Variants in ZCCHC14 observed in about 807,000 individuals in gnomAD.
ZCCHC14 encodes zinc finger CCHC-type containing 14.
ZCCHC14 carries 16 observed loss-of-function variants against 85.0 expected under a neutral mutation model. That is an observed-to-expected ratio of 0.19 (90% CI 0.13 to 0.29). ZCCHC14 has a LOEUF of 0.29. ZCCHC14 is among the 10% of genes least tolerant of loss of function. The pLI, the probability that ZCCHC14 is intolerant of heterozygous loss-of-function variation, is 1.00. For synonymous variants in ZCCHC14, 775 were observed against 630.7 expected, an observed-to-expected ratio of 1.23 and a Z score of -3.43; for missense variants, 1,303 against 1,443.5, an observed-to-expected ratio of 0.90 and a Z score of 1.58.
intron 9 of ZCCHC14, among the ~76,000 whole-genome samples, chr16:87,415,048 C>T (rs1414730342): frequency 6.6e-6 from 1 of 152,208 alleles, no homozygotes; most frequent in Admixed American, 6.5e-5. Context: ...CACCACTGCA[C>T]TCCAGCCTGG....
intron 4 of ZCCHC14, among the ~76,000 whole-genome samples, chr16:87,421,942 G>T (rs1242556944): frequency 1.3e-5 from 2 of 152,068 alleles, no homozygotes; most frequent in Non-Finnish European, 2.9e-5. Flanking sequence ...AAAAAAAAAG[G>T]AATAAAGGGG....
intron 2 of ZCCHC14, among the ~76,000 whole-genome samples, chr16:87,453,090 TG>T (rs1910784151): frequency 6.6e-6 from 1 of 152,172 alleles, no homozygotes; most frequent in Non-Finnish European, 1.5e-5. Flanking sequence ...CTGAACAAGC[TG>T]GAAGATGGAA....
At chr16:87,467,027 T>C in intron 1 of ZCCHC14, 1 of 436,286 alleles carries the variant, frequency 2.3e-6, no homozygotes, top group Non-Finnish European at 4.0e-6. Context: ...CACGTGTTTT[T>C]CATGAAAAAA....
chr16:87,410,139 G>C lies in ZCCHC14; in HGVS notation c.*141C>G, dbSNP rs956249102. On this transcript the variant is annotated 3_prime_UTR_variant, in exon 13 of 13. Transcript: ENST00000671377. ...TCGAGTTTGATGCACTTCTACGCTA[G>C]ATTTTCTATCCAGTCTAGGAAAAGT... The C allele has an allele frequency of 1.8e-6, 1 of 550,266 alleles. No individual in the cohort carries two copies. The highest frequency in any genetic ancestry group is 3.3e-6 in the Non-Finnish European group (1 of 307,424). 34.1% of individuals were successfully genotyped at this position (550,266 alleles called of 1,614,324 possible).
chr16:87,492,471 G>A lies in ZCCHC14; in HGVS notation c.-233C>T, dbSNP rs1177504607. 1 of 145,070 alleles carries A rather than the reference G, an allele frequency of 6.9e-6. No individual in the cohort carries two copies. The highest frequency in any genetic ancestry group is 1.5e-5 in the Non-Finnish European group (1 of 65,400). 9.0% of individuals were successfully genotyped at this position (145,070 alleles called of 1,614,324 possible). The stretch of plus-strand genomic sequence containing the variant: ...GCGGGCGGGCGCGCGCGGGGCGCCG[G>A]GGGGGCCCGGGGCGGCCGGGGCGGC... On this transcript the variant is annotated 5_prime_UTR_variant, in exon 1 of 13. Transcript: ENST00000671377. This position sits in a 1 kb window ranked among gnomAD's most constrained non-coding sequence, Gnocchi z 6.7.
chr16:87,449,755 C>T (rs941121693), intron 2 of ZCCHC14, among the ~76,000 whole-genome samples: 1 of 151,924 alleles, frequency 6.6e-6, no homozygotes. Context: ...AAAAAATGAC[C>T]CAGGATAAGC....
rs1255119739 is a variant in ZCCHC14, at chr16:87,420,261, T to TCC, written c.950+344_950+345dup. ...ACGTGAGCCAAGACACGATCGAGGG[T>TCC]CCAGAGAAACTGTTTAAGAGACGCC... On this transcript the variant is annotated intron_variant, in intron 5 of 12. Coordinates refer to ENST00000671377, the MANE Select transcript of ZCCHC14 (RefSeq NM_015144.3). The surrounding 1 kb of genome is among the most constrained non-coding windows in gnomAD (Gnocchi z 5.0). 6.6e-6 allele frequency among the ~76,000 whole-genome samples: 1 copy of TCC among 152,050 alleles called. No homozygotes were observed. The highest frequency in any genetic ancestry group is 1.9e-4 in the East Asian group (1 of 5,134).
At chr16:87,418,643 T>G (rs1300668957) in intron 7 of ZCCHC14, among the ~76,000 whole-genome samples, 5 of 152,112 alleles carry the variant, frequency 3.3e-5, no homozygotes, top group African/African-American at 1.2e-4. Context: ...TGGGGAGGAG[T>G]CCCTGGGAAT....
At chr16:87,433,683 T>C (rs1909773476) in intron 2 of ZCCHC14, among the ~76,000 whole-genome samples, 2 of 152,122 alleles carry the variant, frequency 1.3e-5, no homozygotes, top group African/African-American at 4.8e-5. Context: ...TCTTTTTTTT[T>C]TGAGACGGAG....
intron 2 of ZCCHC14, among the ~76,000 whole-genome samples, chr16:87,456,070 C>T (rs1910944829): frequency 6.6e-6 from 1 of 152,170 alleles, no homozygotes; most frequent in Non-Finnish European, 1.5e-5. Context: ...GAAGGGTACT[C>T]ACTGTGAAAC....
chr16:87,456,164 C>A (rs559167191), intron 2 of ZCCHC14, among the ~76,000 whole-genome samples: 1 of 152,192 alleles, frequency 6.6e-6, no homozygotes, highest in East Asian at 1.9e-4. Context: ...ACTATCAAGG[C>A]TTCTCGATTT....
chr16:87,443,178 A>C (rs565192431), intron 2 of ZCCHC14, among the ~76,000 whole-genome samples: 1 of 152,362 alleles, frequency 6.6e-6, no homozygotes, highest in African/African-American at 2.4e-5. Flanking sequence ...ATGCCTGCGG[A>C]TAGAATTCCT....
chr16:87,442,211 T>C (rs758776886), intron 2 of ZCCHC14, among the ~76,000 whole-genome samples: 1 of 152,080 alleles, frequency 6.6e-6, no homozygotes, highest in Non-Finnish European at 1.5e-5. Context: ...CGGCAAGCAA[T>C]GCCCCCAAAG....
chr16:87,473,181 T>G (rs1461047436), intron 1 of ZCCHC14: 3 of 151,366 alleles, frequency 2.0e-5, no homozygotes. Context: ...AGACATTCCC[T>G]GAGGTTATCT....
intron 2 of ZCCHC14, among the ~76,000 whole-genome samples, chr16:87,439,226 G>A (rs1400553441): frequency 6.6e-6 from 1 of 151,268 alleles, no homozygotes; most frequent in Admixed American, 6.6e-5. Flanking sequence ...CTCTGCCTCC[G>A]AGGTTCAAGT....
At chr16:87,466,616 C>T (rs1275300846) in intron 1 of ZCCHC14, among the ~76,000 whole-genome samples, 1 of 144,356 alleles carries the variant, frequency 6.9e-6, no homozygotes, top group Admixed American at 6.6e-5. Context: ...ATGGGCTCCT[C>T]GAACAGAGTC....
At chr16:87,464,917 T>C (rs1428450540) in intron 1 of ZCCHC14, among the ~76,000 whole-genome samples, 1 of 152,244 alleles carries the variant, frequency 6.6e-6, no homozygotes, top group Non-Finnish European at 1.5e-5. Context: ...GAGGGAAGAC[T>C]GACCGGCTCC....
At chr16:87,455,369 A>G (rs945025611) in intron 2 of ZCCHC14, among the ~76,000 whole-genome samples, 3 of 152,144 alleles carry the variant, frequency 2.0e-5, no homozygotes, top group Non-Finnish European at 4.4e-5. Flanking sequence ...CGGCACCCCA[A>G]TGAACAACAC....
chr16:87,469,181 G>C (rs929762080), intron 1 of ZCCHC14, among the ~76,000 whole-genome samples: 2 of 152,094 alleles, frequency 1.3e-5, no homozygotes, highest in Non-Finnish European at 2.9e-5. Context: ...CCGAGTAGCT[G>C]GGACCACAGG....
Sources: gnomAD v4.1 joint callset for allele counts (sites outside exome capture counted in the v4.1 genomes callset) on GRCh38, gnomAD v4.1.1 for gene constraint, Gnocchi (gnomAD v3.1) non-coding constraint, MANE v1.5 for transcripts, NCBI Gene and HGNC (gene_info 2026-07-23, HGNC 2026-07-21) for gene names.